The following NCOA1 variants were observed in gnomAD, a reference collection of about 807,000 sequenced individuals.
NCOA1 encodes Hin-2 protein.
NCOA1 carries 35 observed loss-of-function variants against 150.9 expected under a neutral mutation model. That is an observed-to-expected ratio of 0.23 (90% CI 0.18 to 0.31). NCOA1 has a LOEUF of 0.31. Among genes scored for constraint, NCOA1 ranks in the 10% least tolerant of loss-of-function variants. NCOA1 has a pLI of 1.00. For synonymous variants in NCOA1, 590 were observed against 630.0 expected, an observed-to-expected ratio of 0.94 and a Z score of 0.95; for missense variants, 1,491 against 1,749.3, an observed-to-expected ratio of 0.85 and a Z score of 2.63.
intron 12 of NCOA1, among the ~76,000 whole-genome samples, chr2:24,706,067 A>C (rs1673410575): frequency 6.6e-6 from 1 of 151,930 alleles, no homozygotes; most frequent in Admixed American, 6.6e-5. Context: ...TTTAATTTTT[A>C]CATCAGTGAC....
At chr2:24,670,064 G>C (rs1310776590) in intron 6 of NCOA1, among the ~76,000 whole-genome samples, 1 of 152,204 alleles carries the variant, frequency 6.6e-6, no homozygotes, top group Non-Finnish European at 1.5e-5. Flanking sequence ...CTTGAGCCTA[G>C]GAGTTTGAGG....
At chr2:24,746,673 G>A (rs1267299725) in intron 19 of NCOA1, among the ~76,000 whole-genome samples, 1 of 152,194 alleles carries the variant, frequency 6.6e-6, no homozygotes, top group Non-Finnish European at 1.5e-5. Context: ...AGAACTCTAA[G>A]TATTCCTCTA....
chr2:24,625,732 A>G (rs559233667), intron 3 of NCOA1, among the ~76,000 whole-genome samples: 1 of 139,404 alleles, frequency 7.2e-6, no homozygotes, highest in Admixed American at 7.9e-5. Flanking sequence ...ATTTGAAATA[A>G]TTCAGTGTTT....
chr2:24,576,178 T>TGTTTTG (rs1558806649), intron 2 of NCOA1, among the ~76,000 whole-genome samples: 1 of 73,750 alleles, frequency 1.4e-5, no homozygotes, highest in Non-Finnish European at 3.0e-5. Context: ...TTGTTTTTTT[T>TGTTTTG]TTTTTTTTTT....
intron 3 of NCOA1, among the ~76,000 whole-genome samples, chr2:24,607,798 T>C (rs371634335): frequency 1.1e-4 from 17 of 152,234 alleles, no homozygotes; most frequent in Admixed American, 9.2e-4. Context: ...ATATTTTCTC[T>C]TTCTTGAAGA....
At chr2:24,670,209 A>C (rs1671620376) in intron 6 of NCOA1, among the ~76,000 whole-genome samples, 1 of 152,208 alleles carries the variant, frequency 6.6e-6, no homozygotes, top group African/African-American at 2.4e-5. Context: ...TCTGATGGGA[A>C]TGGAAAATGA....
intron 1 of NCOA1, among the ~76,000 whole-genome samples, chr2:24,506,848 G>A (rs561826111): frequency 1.3e-5 from 2 of 152,148 alleles, no homozygotes; most frequent in African/African-American, 4.8e-5. Context: ...CTTGGACCAG[G>A]CCAGAATACC....
intron 18 of NCOA1, among the ~76,000 whole-genome samples, chr2:24,740,269 C>T (rs1558329813): frequency 6.6e-6 from 1 of 152,134 alleles, no homozygotes; most frequent in Non-Finnish European, 1.5e-5. Context: ...CCATGCATGA[C>T]TTAAAGACAG....
chr2:24,585,952 G>C (rs1265410465), intron 3 of NCOA1, among the ~76,000 whole-genome samples: 1 of 152,134 alleles, frequency 6.6e-6, no homozygotes, highest in Non-Finnish European at 1.5e-5. Flanking sequence ...ACATATGAAG[G>C]ATTTTTAATT....
intron 3 of NCOA1, among the ~76,000 whole-genome samples, chr2:24,622,473 T>G (rs370820503): frequency 1.3e-5 from 2 of 152,328 alleles, no homozygotes; most frequent in East Asian, 1.9e-4. Context: ...CCTATACTTA[T>G]GATTATGTCT....
intron 17 of NCOA1, among the ~76,000 whole-genome samples, chr2:24,736,584 T>C (rs1288278466): frequency 6.6e-6 from 1 of 152,304 alleles, no homozygotes; most frequent in East Asian, 1.9e-4. Context: ...TACCTTCAGG[T>C]TTCTGGCAAT....
intron 1 of NCOA1, among the ~76,000 whole-genome samples, chr2:24,527,249 A>G (rs956696055): frequency 1.3e-5 from 2 of 152,184 alleles, no homozygotes; most frequent in Admixed American, 1.3e-4. Flanking sequence ...GATGTTGTAC[A>G]TTAGATCTTT....
chr2:24,586,422 TC>T (rs1429236921), intron 3 of NCOA1, among the ~76,000 whole-genome samples: 1 of 151,990 alleles, frequency 6.6e-6, no homozygotes, highest in Non-Finnish European at 1.5e-5. Flanking sequence ...AATCTTCCTC[TC>T]TTGCTCAGGC....
At chr2:24,499,063 GAT>G (rs1243544067) in intron 1 of NCOA1, among the ~76,000 whole-genome samples, 23 of 151,912 alleles carry the variant, frequency 1.5e-4, no homozygotes, top group African/African-American at 5.6e-4. Context: ...ACCTACATGT[GAT>G]ATGAGATATG....
intron 22 of NCOA1, among the ~76,000 whole-genome samples, chr2:24,764,576 T>C (rs1664954320): frequency 6.6e-6 from 1 of 152,082 alleles, no homozygotes; most frequent in South Asian, 2.1e-4. Flanking sequence ...AACAGGGAAA[T>C]AGTAATATCT....
At chr2:24,738,860 A>G (rs527568040) in intron 17 of NCOA1, among the ~76,000 whole-genome samples, 1 of 152,276 alleles carries the variant, frequency 6.6e-6, no homozygotes, top group South Asian at 2.1e-4. Context: ...TTCTAGTTAA[A>G]TAAATAATCC....
chr2:24,585,336 CCTTT>C (rs1446867950), intron 3 of NCOA1, among the ~76,000 whole-genome samples: 1 of 151,796 alleles, frequency 6.6e-6, no homozygotes, highest in African/African-American at 2.4e-5. Flanking sequence ...ATACATTTAC[CCTTT>C]CTGTTTGCCT....
intron 22 of NCOA1, among the ~76,000 whole-genome samples, chr2:24,763,088 A>G (rs1664867839): frequency 6.6e-6 from 1 of 152,218 alleles, no homozygotes; most frequent in Admixed American, 6.5e-5. Flanking sequence ...TATTTTGTAA[A>G]TAAGCACAGT....
chr2:24,637,294 G>A (rs1669982908), intron 3 of NCOA1, among the ~76,000 whole-genome samples: 1 of 140,136 alleles, frequency 7.1e-6, no homozygotes, highest in Admixed American at 7.7e-5. Flanking sequence ...CACGTGTCAG[G>A]GATCTAGAAC....
Sources: gnomAD v4.1 joint callset for allele counts (sites outside exome capture counted in the v4.1 genomes callset) on GRCh38, gnomAD v4.1.1 for gene constraint, MANE v1.5 for transcripts, NCBI Gene and HGNC (gene_info 2026-07-23, HGNC 2026-07-21) for gene names.